The following KCNT1 variants were observed in gnomAD, a reference collection of about 807,000 sequenced individuals.
KCNT1 encodes the protein potassium channel subfamily T member 1.
In KCNT1, 78 loss-of-function variants were observed where a neutral mutation model predicts 147.8. The ratio of observed to expected loss-of-function variants is 0.53; its 90% CI spans 0.44 to 0.64. The LOEUF is 0.64. Ranked by LOEUF, KCNT1 falls within the 30% of genes least tolerant of loss-of-function variation. The pLI, the probability that KCNT1 is intolerant of heterozygous loss-of-function variation, is 0.00. For synonymous variants in KCNT1, 867 were observed against 748.8 expected (o/e 1.16, Z -2.58); for missense variants, 1,419 against 1,750.3 (o/e 0.81, Z 3.38).
chr9:135,736,661 C>A, intron 2 of KCNT1: 1 of 266,862 alleles, frequency 3.7e-6, no homozygotes, highest in Non-Finnish European at 7.0e-6. Context: ...CCGCGCTCGC[C>A]GTCCGAGGGC....
In KCNT1 at chr9:135,775,421, G is replaced by T. The variant is rs1418169170; in HGVS notation, c.2349+6G>T. On this transcript the variant is annotated splice_donor_region_variant and intron_variant, in intron 20 of 30. Coordinates refer to ENST00000371757, the MANE Select transcript of KCNT1 (RefSeq NM_020822.3). Reference sequence around the variant, plus strand: ...GCTGCCTGCGGCTGGACAAGGTAAGGCTGGCGGCTCTGCCGCGCTCTGCAC... The same window carrying T: ...GCTGCCTGCGGCTGGACAAGGTAAGTCTGGCGGCTCTGCCGCGCTCTGCAC... The T allele has an allele frequency of 1.2e-6, 2 of 1,606,532 alleles. No individual in the cohort carries two copies. The highest frequency in any genetic ancestry group is 2.2e-5 in the South Asian group (2 of 89,200).
rs146395273 is a variant in KCNT1, at chr9:135,778,244, C to T, written c.2523-180C>T. 6.6e-5 allele frequency among the ~76,000 whole-genome samples: 10 copies of T among 152,332 alleles called. No homozygotes were observed. The East Asian group carries it at 1.7e-3, about 27-fold the overall frequency. ...TCCCACCCTCCCGGGCCTTGGTTTCCCCTTGAATAAAATAAAGAATGGCCC... is the reference window on the plus strand; with the variant it reads ...TCCCACCCTCCCGGGCCTTGGTTTCTCCTTGAATAAAATAAAGAATGGCCC... On this transcript the variant is annotated intron_variant, in intron 21 of 30. Coordinates refer to ENST00000371757, the MANE Select transcript of KCNT1 (RefSeq NM_020822.3).
At chr9:135,731,991 TAGAGAGAGAGAGAG>T (rs1189149987) in intron 2 of KCNT1, among the ~76,000 whole-genome samples, 46 of 21,678 alleles carry the variant, frequency 2.1e-3, no homozygotes, top group East Asian at 2.3e-3. Context: ...TATATATATA[TAGAGAGAGAGAGAG>T]AGAGAGAGAG....
chr9:135,750,276 G>A, intron 3 of KCNT1, 99 bp downstream of exon 3: 1 of 968,644 alleles, frequency 1.0e-6, no homozygotes, highest in South Asian at 1.3e-5. Context: ...TGAGCTCAGG[G>A]AGAGTCCATG....
At position 135,756,890 on chromosome 9, in the gene KCNT1, A is replaced by G. The variant is rs780164645; in HGVS notation, c.558A>G (p.Ile186Met). 1.2e-6 allele frequency: 2 copies of G among 1,612,846 alleles called. No homozygotes were observed. Among genetic ancestry groups the G allele is most frequent in the Admixed American group, 3.3e-5 (2 of 59,988 alleles). ...LWAIQVIVAI[I>M]SFLETMLLIY... ...ACTCCCAGGTCATCGTGGCCATAAT[A>G]AGCTTCCTGGAGACGATGCTTCTCA... The change falls in exon 7 of 31, where the codon ATA (isoleucine) becomes ATG (methionine). Residue 186 changes from isoleucine (I) to methionine (M), a missense_variant. Ile to Met is a conservative substitution (Grantham distance 10). Coordinates refer to ENST00000371757, the MANE Select transcript of KCNT1 (RefSeq NM_020822.3).
intron 1 of KCNT1, among the ~76,000 whole-genome samples, chr9:135,713,649 C>G (rs1167844172): frequency 6.6e-6 from 1 of 152,224 alleles, no homozygotes; most frequent in Non-Finnish European, 1.5e-5. Flanking sequence ...AGCCAGCCCC[C>G]TCCATCCCCC....
chr9:135,741,285 T>A (rs1830555561), intron 2 of KCNT1, among the ~76,000 whole-genome samples: 1 of 152,098 alleles, frequency 6.6e-6, no homozygotes, highest in Non-Finnish European at 1.5e-5. Flanking sequence ...AGGGAGCACC[T>A]GGGAGAGAGG....
At chr9:135,782,879 G>C (rs191373836) in intron 24 of KCNT1, among the ~76,000 whole-genome samples, 1 of 152,352 alleles carries the variant, frequency 6.6e-6, no homozygotes, top group South Asian at 2.1e-4. Flanking sequence ...CGGAAACGCC[G>C]CACGAAACTA....
intron 1 of KCNT1, among the ~76,000 whole-genome samples, chr9:135,709,298 T>G (rs1266785779): frequency 6.6e-6 from 1 of 152,200 alleles, no homozygotes; most frequent in Non-Finnish European, 1.5e-5. Flanking sequence ...GACCTGTGCC[T>G]TCACAGAGCA....
chr9:135,709,418 G>A (rs1333723775), intron 1 of KCNT1, among the ~76,000 whole-genome samples: 3 of 152,034 alleles, frequency 2.0e-5, no homozygotes, highest in Admixed American at 6.6e-5. Flanking sequence ...GGGCCTCCTC[G>A]GCCACAGATC....
At chr9:135,729,187 G>A (rs138714324) in intron 2 of KCNT1, among the ~76,000 whole-genome samples, 25 of 152,354 alleles carry the variant, frequency 1.6e-4, no homozygotes, top group East Asian at 5.8e-4. Context: ...AGTGGGCTGC[G>A]TCTACTCACA....
At chr9:135,770,585 G>T (rs1832684240) in intron 17 of KCNT1, 138 bp downstream of exon 17, 2 of 1,159,176 alleles carry the variant, frequency 1.7e-6, no homozygotes, top group Admixed American at 2.7e-5. Flanking sequence ...AGGTCATCCT[G>T]CCTGGCGAGG....
intron 9 of KCNT1, 128 bp from the exon 10 acceptor site, chr9:135,758,286 C>T (rs928251194): frequency 2.1e-5 from 15 of 706,202 alleles, no homozygotes; most frequent in East Asian, 8.0e-5. Context: ...CAGGCTGCCC[C>T]GTGGGCCTCA....
intron 2 of KCNT1, among the ~76,000 whole-genome samples, chr9:135,725,049 G>C (rs970520660): frequency 1.3e-5 from 2 of 152,252 alleles, no homozygotes; most frequent in Non-Finnish European, 2.9e-5. Flanking sequence ...GGAGGCAACT[G>C]CGTGGGGGGG....
intron 11 of KCNT1, among the ~76,000 whole-genome samples, chr9:135,760,157 G>T (rs1831819051): frequency 6.6e-6 from 1 of 152,154 alleles, no homozygotes. Context: ...CAGGCAGAGT[G>T]CAGGGAAGGG....
chr9:135,783,412 G>C (rs1462274447), intron 24 of KCNT1, among the ~76,000 whole-genome samples: 1 of 151,392 alleles, frequency 6.6e-6, no homozygotes. Context: ...CAGAGGGAGC[G>C]GGGCCCTGCC....
intron 18 of KCNT1, among the ~76,000 whole-genome samples, chr9:135,772,228 T>G (rs1004913455): frequency 6.6e-6 from 1 of 152,114 alleles, no homozygotes; most frequent in South Asian, 2.1e-4. Flanking sequence ...CAACCCTCAC[T>G]GTACCCACAG....
chr9:135,757,227 C>T lies in KCNT1; in HGVS notation c.672C>T (p.Ile224=). ...LEMINTLPFI[I]TIFWPPLRNL... is the part of the protein sequence containing the mutation. ...TGATCAACACTCTGCCCTTCATCAT[C>T]ACGGTGGGTGAGCCCCAGCTGCCAG... Residue 224 remains isoleucine (I), a synonymous_variant, in exon 8 of 31, where the codon ATC becomes ATT. Transcript: ENST00000371757. The T allele has an allele frequency of 6.2e-7, 1 of 1,612,694 alleles. No individual in the cohort carries two copies.
chr9:135,757,795 C>G (rs1588324815), intron 9 of KCNT1, among the ~76,000 whole-genome samples: 1 of 152,216 alleles, frequency 6.6e-6, no homozygotes, highest in East Asian at 1.9e-4. Context: ...AGGCCCTGCT[C>G]TGAGTGTCTC....
Sources: allele counts gnomAD v4.1 joint callset (sites outside exome capture counted in the v4.1 genomes callset), GRCh38; gene constraint gnomAD v4.1.1; transcripts MANE v1.5; gene names NCBI Gene and HGNC (gene_info 2026-07-23, HGNC 2026-07-21).